ACACB: variants seen among roughly 807,000 people sequenced by gnomAD.
The protein encoded by ACACB is acetyl-CoA carboxylase 2.
A neutral mutation model predicts 278.8 loss-of-function variants in ACACB; 209 were observed. The observed-to-expected ratio is 0.75, with a 90% CI of 0.67 to 0.84. The LOEUF (loss-of-function observed/expected upper bound fraction) is 0.84, where lower values mean the gene tolerates loss of function less well. Ranked by LOEUF, ACACB falls within the 40% of genes least tolerant of loss-of-function variation. The pLI, the probability that ACACB is intolerant of heterozygous loss-of-function variation, is 0.00. For missense variants in ACACB, 2,850 were observed against 3,269.0 expected, an observed-to-expected ratio of 0.87 and a Z score of 3.13; for synonymous variants, 1,174 against 1,285.6, an observed-to-expected ratio of 0.91 and a Z score of 1.86.
rs777435824 is a variant in ACACB at position 109,209,258 on chromosome 12, C to T, written c.3154C>T (p.Arg1052Cys). The change falls in exon 21 of 53, where the codon CGC becomes TGC. Residue 1052 changes from arginine (R) to cysteine (C), a missense_variant. Coordinates refer to ENST00000338432, the MANE Select transcript of ACACB (RefSeq NM_001093.4). ...GGAGATCATGACCAGCGTGGCAGGC[C>T]GCATCCCCGCCCCTGTGGAGAAGTC... is the stretch of plus-strand genomic sequence containing the variant. Reference protein sequence around the residue: ...LQEIMTSVAGRIPAPVEKSVR... With the variant: ...LQEIMTSVAGCIPAPVEKSVR... The T allele has an allele frequency of 9.9e-6, 16 of 1,611,624 alleles. No homozygotes were observed. The highest frequency in any genetic ancestry group is 2.2e-5 in the East Asian group (1 of 44,858).
At chr12:109,117,307 C>A (rs2042428285) in intron 1 of ACACB, among the ~76,000 whole-genome samples, 1 of 145,152 alleles carries the variant, frequency 6.9e-6, no homozygotes, top group South Asian at 2.1e-4. Flanking sequence ...TTGCAGTGAG[C>A]TAAAATTGCG....
chr12:109,225,470 C>T (rs747325865), intron 27 of ACACB, among the ~76,000 whole-genome samples: 13 of 152,186 alleles, frequency 8.5e-5, no homozygotes, highest in Admixed American at 5.2e-4. Flanking sequence ...TGGGCTCACG[C>T]GATCCACCTG....
At position 109,193,732 on chromosome 12, in the gene ACACB, A is replaced by G. The variant is rs1477049592; in HGVS notation, c.2481+3A>G. Reference sequence around the variant, plus strand: ...GAGGTGTTAAGTACATTCTCAAGGTAAATGCCCCCGTGCCTCTCCGATGTC... The same window carrying G: ...GAGGTGTTAAGTACATTCTCAAGGTGAATGCCCCCGTGCCTCTCCGATGTC... On this transcript the variant is annotated splice_donor_region_variant and intron_variant, in intron 16 of 52. Coordinates refer to ENST00000338432, the MANE Select transcript of ACACB (RefSeq NM_001093.4). The G allele has an allele frequency of 1.2e-6, 2 of 1,611,172 alleles. No homozygotes were observed. The highest frequency in any genetic ancestry group is 4.5e-5 in the East Asian group (2 of 44,850).
At chr12:109,182,685 A>G (rs374230241) in intron 11 of ACACB, among the ~76,000 whole-genome samples, 1 of 152,136 alleles carries the variant, frequency 6.6e-6, no homozygotes, top group Non-Finnish European at 1.5e-5. Context: ...CTTCTTATGT[A>G]TTCTGGTTAT....
At chr12:109,151,010 G>A (rs988665764) in intron 2 of ACACB, among the ~76,000 whole-genome samples, 9 of 131,322 alleles carry the variant, frequency 6.9e-5, no homozygotes, top group East Asian at 6.5e-4. Context: ...ACGGAGTCTC[G>A]CTCTGTAGCT....
chr12:109,151,064 T>C (rs2043361357), intron 2 of ACACB, among the ~76,000 whole-genome samples: 1 of 150,810 alleles, frequency 6.6e-6, no homozygotes, highest in African/African-American at 2.4e-5. Context: ...CTGCAACCTC[T>C]ACCGCCCGGG....
Position 109,179,238 on chromosome 12 carries a change from A to G in ACACB, c.1588A>G (p.Ile530Val), listed in dbSNP as rs2044379811. 1 of 1,614,006 alleles carries G rather than the reference A, an allele frequency of 6.2e-7. No individual in the cohort carries two copies. Among genetic ancestry groups the G allele is most frequent in the Non-Finnish European group, 8.5e-7 (1 of 1,180,024 alleles). The change falls in exon 10 of 53, where the codon ATC (isoleucine) becomes GTC (valine). Residue 530 changes from isoleucine (I) to valine (V), a missense_variant. Transcript: ENST00000338432. ...DCSIQRRHQK[I>V]VEEAPATIAP... ...CTCCATCCAGCGGCGGCATCAGAAG[A>G]TCGTTGAGGAAGCACCGGCCACCAT...
At chr12:109,228,407 A>T (rs947886376) in intron 28 of ACACB, among the ~76,000 whole-genome samples, 1 of 151,710 alleles carries the variant, frequency 6.6e-6, no homozygotes, top group African/African-American at 2.4e-5. Flanking sequence ...TAATCCTAGC[A>T]CTTCGGAGGG....
intron 2 of ACACB, among the ~76,000 whole-genome samples, chr12:109,154,117 A>T (rs1054954901): frequency 6.6e-6 from 1 of 152,230 alleles, no homozygotes; most frequent in African/African-American, 2.4e-5. Flanking sequence ...AGAGGAACAA[A>T]GGAGCACTTA....
rs779621331 is a variant in ACACB at position 109,179,254 on chromosome 12, C to T, written c.1604C>T (p.Pro535Leu). Residue 535 changes from proline to leucine, a missense_variant, in exon 10 of 53, where the codon CCG (proline) becomes CTG (leucine). This residue lies in a region of ACACB where 2,265 missense variants were observed against 2,561.3 expected (regional missense o/e 0.88). Coordinates refer to ENST00000338432, the MANE Select transcript of ACACB (RefSeq NM_001093.4). The stretch of plus-strand genomic sequence containing the variant: ...CATCAGAAGATCGTTGAGGAAGCAC[C>T]GGCCACCATCGCCCCGCTGGCCATA... The part of the protein sequence containing the change: ...RRHQKIVEEA[P>L]ATIAPLAIFE... 40 of 1,613,692 alleles carry T rather than the reference C, an allele frequency of 2.5e-5. No homozygotes were observed. The highest frequency in any genetic ancestry group is 1.6e-4 in the Middle Eastern group (1 of 6,082).
intron 39 of ACACB, among the ~76,000 whole-genome samples, chr12:109,246,994 C>G (rs1470243567): frequency 6.6e-6 from 1 of 152,102 alleles, no homozygotes; most frequent in East Asian, 1.9e-4. Context: ...GGGAGGATCA[C>G]TTGGAGCCCA....
In ACACB at chr12:109,139,933, C is replaced by T. The variant is rs138895694; in HGVS notation, c.528C>T (p.Asp176=). The change falls in exon 2 of 53, where the codon GAC becomes GAT. Residue 176 remains aspartate (D), a synonymous_variant. Coordinates refer to ENST00000338432, the MANE Select transcript of ACACB (RefSeq NM_001093.4). ...GCTCTTTTGATGACTACTCCTCCGACGAGGACTCTGTTGCTGGCTCATCTC... is the reference window on the plus strand; with the variant it reads ...GCTCTTTTGATGACTACTCCTCCGATGAGGACTCTGTTGCTGGCTCATCTC... ...ILGSFDDYSS[D]EDSVAGSSRE... The T allele has an allele frequency of 4.9e-5, 79 of 1,614,164 alleles. No homozygotes were observed. Among genetic ancestry groups the T allele is most frequent in the Middle Eastern group, 1.6e-4 (1 of 6,062 alleles).
chr12:109,188,362 C>T (rs1218126174), intron 13 of ACACB, among the ~76,000 whole-genome samples, 200 bp downstream of exon 13: 6 of 146,510 alleles, frequency 4.1e-5, no homozygotes, highest in African/African-American at 1.5e-4. Flanking sequence ...TTCTTCCTTC[C>T]TTCCTCCCCT....
intron 21 of ACACB, among the ~76,000 whole-genome samples, chr12:109,210,539 ACG>A (rs1259256554): frequency 6.7e-6 from 1 of 148,736 alleles, no homozygotes; most frequent in Non-Finnish European, 1.5e-5. Flanking sequence ...GTGTATATAT[ACG>A]TGCATGTATA....
intron 11 of ACACB, among the ~76,000 whole-genome samples, chr12:109,185,198 A>C (rs990837314): frequency 2.0e-5 from 3 of 152,136 alleles, no homozygotes; most frequent in Admixed American, 6.6e-5. Flanking sequence ...CCCATTCTTC[A>C]TGTCCAGTTT....
At chr12:109,136,772 T>C (rs2042975570) in intron 1 of ACACB, among the ~76,000 whole-genome samples, 1 of 152,220 alleles carries the variant, frequency 6.6e-6, no homozygotes, top group Non-Finnish European at 1.5e-5. Context: ...ACTTTCTACA[T>C]ATAGGACCAT....
chr12:109,199,964 G>A (rs938622031), intron 18 of ACACB, among the ~76,000 whole-genome samples: 3 of 151,254 alleles, frequency 2.0e-5, no homozygotes, highest in Non-Finnish European at 4.4e-5. Context: ...CCCAGGAGGC[G>A]GAGCTTGCAG....
In ACACB at chr12:109,188,173, CCT is replaced by C; in HGVS notation, c.2144+12_2144+13del. ...GGAAGAGGCCATTTCGTCAGTATCT[CCT>C]TCCTTCCTTCCTTCCTTCCTTCCTT... On this transcript the variant is annotated intron_variant, in intron 13 of 52. Transcript: ENST00000338432. The C allele has an allele frequency of 5.0e-5, 2 of 40,296 alleles. No homozygotes were observed. Among genetic ancestry groups the C allele is most frequent in the Non-Finnish European group, 1.2e-4 (2 of 17,286 alleles). 2.5% of individuals were successfully genotyped at this position (40,296 alleles called of 1,614,324 possible).
At chr12:109,263,269 C>G (rs1413683688) in intron 49 of ACACB, 1 of 152,096 alleles carries the variant, frequency 6.6e-6, no homozygotes, top group African/African-American at 2.4e-5. Context: ...CTCTGCCTCC[C>G]AGGTTCAAGC....
Sources: allele counts gnomAD v4.1 joint callset (sites outside exome capture counted in the v4.1 genomes callset), GRCh38; gene constraint gnomAD v4.1.1; regional missense constraint gnomAD v4.1.1; transcripts MANE v1.5; gene names NCBI Gene and HGNC (gene_info 2026-07-23, HGNC 2026-07-21).